The following EPHB1 variants were observed in gnomAD, a reference collection of about 807,000 sequenced individuals.
EPHB1 encodes EPH receptor B1.
In EPHB1, 30 loss-of-function variants were observed where a neutral mutation model predicts 94.4. The ratio of observed to expected loss-of-function variants is 0.32; its 90% CI spans 0.24 to 0.43. EPHB1 has a LOEUF of 0.43. Ranked by LOEUF, EPHB1 falls within the 20% of genes least tolerant of loss-of-function variation. The pLI is 1.00. For synonymous variants in EPHB1, 522 were observed against 489.1 expected, an observed-to-expected ratio of 1.07 and a Z score of -0.89; for missense variants, 1,055 against 1,308.3, an observed-to-expected ratio of 0.81 and a Z score of 2.99.
chr3:135,015,769 G>A (rs1342475035), intron 3 of EPHB1, among the ~76,000 whole-genome samples: 1 of 152,310 alleles, frequency 6.6e-6, no homozygotes, highest in East Asian at 1.9e-4. Flanking sequence ...GTCTGTGGCT[G>A]GGACTGCTTT....
intron 3 of EPHB1, among the ~76,000 whole-genome samples, chr3:135,066,352 T>G (rs1937580152): frequency 6.6e-6 from 1 of 152,250 alleles, no homozygotes; most frequent in South Asian, 2.1e-4. Context: ...CAGGTTTTGT[T>G]GTTTAACAAA....
intron 1 of EPHB1, among the ~76,000 whole-genome samples, chr3:134,887,290 G>A (rs2037880978): frequency 6.6e-6 from 1 of 152,202 alleles, no homozygotes. Context: ...ATAGCATGAT[G>A]AGCTCAGGGT....
chr3:134,952,172 C>T lies in EPHB1; in HGVS notation c.805+120C>T, dbSNP rs947220655. On this transcript the variant is annotated intron_variant, in intron 3 of 15. Transcript: ENST00000398015. The stretch of plus-strand genomic sequence containing the variant: ...AATAGTCTAATGGCTTATTATAAAG[C>T]TCTGAGGACTCCCATTCCTAGTGCT... 17 of 1,042,384 alleles carry T rather than the reference C, an allele frequency of 1.6e-5. No individual in the cohort carries two copies. The African/African-American group carries it at 2.4e-4, about 15-fold the overall frequency. 64.6% of individuals were successfully genotyped at this position (1,042,384 alleles called of 1,614,324 possible).
intron 3 of EPHB1, among the ~76,000 whole-genome samples, chr3:135,090,407 A>G (rs1367960836): frequency 2.6e-5 from 4 of 152,246 alleles, no homozygotes; most frequent in African/African-American, 9.6e-5. Context: ...TCATGCATAT[A>G]TTCTGCCTTG....
chr3:135,196,558 A>C (rs141005372), intron 11 of EPHB1, among the ~76,000 whole-genome samples: 131 of 152,346 alleles, frequency 8.6e-4, no homozygotes, highest in African/African-American at 3.0e-3. Flanking sequence ...ACCCTGGAGC[A>C]TAGCAACATT....
intron 2 of EPHB1, among the ~76,000 whole-genome samples, chr3:134,935,923 G>C (rs2038992675): frequency 6.6e-6 from 1 of 152,110 alleles, no homozygotes; most frequent in African/African-American, 2.4e-5. Context: ...CTTCTCACTG[G>C]GACCCTGCAA....
At chr3:135,059,915 T>C (rs941057486) in intron 3 of EPHB1, among the ~76,000 whole-genome samples, 2 of 152,178 alleles carry the variant, frequency 1.3e-5, no homozygotes, top group African/African-American at 2.4e-5. Context: ...GATGCTCAGA[T>C]ACAGTGCCTG....
At chr3:134,942,181 TC>T (rs1256655429) in intron 2 of EPHB1, among the ~76,000 whole-genome samples, 1 of 152,238 alleles carries the variant, frequency 6.6e-6, no homozygotes, top group African/African-American at 2.4e-5. Flanking sequence ...GGGGCTCTGC[TC>T]ATTGCCTCAG....
rs375655861 is a variant in EPHB1, at chr3:134,879,698, C to T, written c.59-46118C>T. Among the ~76,000 whole-genome samples the T allele has an allele frequency of 2.0e-5, 3 of 151,964 alleles. No individual in the cohort carries two copies. The South Asian group carries it at 6.3e-4, about 32-fold the overall frequency. Reference sequence around the variant, plus strand: ...TGGAAATTCAATGGAGGAAATTGGTCCTGGCATTAGAGCAAGGGAATCTAG... The same window carrying T: ...TGGAAATTCAATGGAGGAAATTGGTTCTGGCATTAGAGCAAGGGAATCTAG... On this transcript the variant is annotated intron_variant, in intron 1 of 15. Coordinates refer to ENST00000398015, the MANE Select transcript of EPHB1 (RefSeq NM_004441.5).
chr3:135,068,601 T>C (rs1937616689), intron 3 of EPHB1, among the ~76,000 whole-genome samples: 1 of 152,158 alleles, frequency 6.6e-6, no homozygotes, highest in Admixed American at 6.5e-5. Flanking sequence ...TTATGAGTTG[T>C]ATTTTCACGT....
chr3:134,975,486 A>AT (rs1934150900), intron 3 of EPHB1, among the ~76,000 whole-genome samples: 1 of 152,220 alleles, frequency 6.6e-6, no homozygotes, highest in South Asian at 2.1e-4. Flanking sequence ...ACAGCTCCTG[A>AT]CACTCTGCTA....
At chr3:135,043,674 C>G (rs754675101) in intron 3 of EPHB1, among the ~76,000 whole-genome samples, 1 of 152,318 alleles carries the variant, frequency 6.6e-6, no homozygotes, top group South Asian at 2.1e-4. Context: ...ACATAAGGTC[C>G]GGCTCCATCC....
chr3:135,253,693 C>T lies in EPHB1; in HGVS notation c.2846+4202C>T, dbSNP rs1210372168. On this transcript the variant is annotated intron_variant, in intron 15 of 15. Transcript: ENST00000398015. ...TTGGCTTAGGATTGACTTGGCGATG[C>T]GGGCTCTTTTTTGGTTCCATATGAA... 1.7e-4 allele frequency among the ~76,000 whole-genome samples: 25 copies of T among 144,122 alleles called. 1 individual carries two copies. Among genetic ancestry groups the T allele is most frequent in the African/African-American group, 2.6e-4 (10 of 38,768 alleles). The allele number at this position is 144,122 out of a possible 152,430, so 94.5% of individuals were successfully genotyped here.
Position 135,248,457 on chromosome 3 carries a change from A to G in EPHB1, c.2638A>G (p.Lys880Glu). 6.2e-7 allele frequency: 1 copy of G among 1,613,550 alleles called. No individual in the cohort carries two copies. The highest frequency in any genetic ancestry group is 8.5e-7 in the Non-Finnish European group (1 of 1,179,574). The change falls in exon 14 of 16, where the codon AAG (lysine) becomes GAG (glutamate). Residue 880 changes from lysine to glutamate, a missense_variant. Coordinates refer to ENST00000398015, the MANE Select transcript of EPHB1 (RefSeq NM_004441.5). ...TGCGGAGATTGTCAACACCCTAGATAAGATGATCCGGAACCCGGCAAGTCT... is the reference window on the plus strand; with the variant it reads ...TGCGGAGATTGTCAACACCCTAGATGAGATGATCCGGAACCCGGCAAGTCT... Reference protein sequence around the residue: ...RFAEIVNTLDKMIRNPASLKT... With the variant: ...RFAEIVNTLDEMIRNPASLKT...
At chr3:135,183,690 G>A (rs1942252720) in intron 10 of EPHB1, among the ~76,000 whole-genome samples, 1 of 152,164 alleles carries the variant, frequency 6.6e-6, no homozygotes, top group Non-Finnish European at 1.5e-5. Flanking sequence ...AGGGAAGAGG[G>A]AACAAAGTGG....
chr3:134,815,321 T>A lies in EPHB1; in HGVS notation c.58+19632T>A, dbSNP rs2036249447. 2.0e-5 allele frequency among the ~76,000 whole-genome samples: 3 copies of A among 152,180 alleles called. No homozygotes were observed. The South Asian group carries it at 6.2e-4, about 32-fold the overall frequency. On this transcript the variant is annotated intron_variant, in intron 1 of 15. Coordinates refer to ENST00000398015, the MANE Select transcript of EPHB1 (RefSeq NM_004441.5). ...GGAATTAAGGAGTAAATGGCCATGA[T>A]GTATGCTACCTGCTCTCAGGTGGCT...
At chr3:135,016,871 C>T (rs764277935) in intron 3 of EPHB1, among the ~76,000 whole-genome samples, 4 of 152,176 alleles carry the variant, frequency 2.6e-5, no homozygotes, top group Admixed American at 6.5e-5. Flanking sequence ...TCTCGGGACT[C>T]TGGCCAGGTA....
In EPHB1 at chr3:135,076,656, G is replaced by A. The variant is rs933281921; in HGVS notation, c.806-29792G>A. Among the ~76,000 whole-genome samples, 4 of 152,132 alleles carry A rather than the reference G, an allele frequency of 2.6e-5. No homozygotes were observed. In the East Asian group the frequency reaches 5.8e-4, roughly 22 times the overall value. Reference sequence around the variant, plus strand: ...GACTTGCATGCAGATATTCACAGCAGCATTATTCATAATAGCCAAAAGGTG... The same window carrying A: ...GACTTGCATGCAGATATTCACAGCAACATTATTCATAATAGCCAAAAGGTG... On this transcript the variant is annotated intron_variant, in intron 3 of 15. Coordinates refer to ENST00000398015, the MANE Select transcript of EPHB1 (RefSeq NM_004441.5).
intron 3 of EPHB1, among the ~76,000 whole-genome samples, chr3:135,068,957 A>G (rs1937624979): frequency 6.6e-6 from 1 of 150,878 alleles, no homozygotes; most frequent in Non-Finnish European, 1.5e-5. Flanking sequence ...ACCAAAGCAC[A>G]AGCAACACAA....
Sources: allele counts gnomAD v4.1 joint callset (sites outside exome capture counted in the v4.1 genomes callset), GRCh38; gene constraint gnomAD v4.1.1; transcripts MANE v1.5; gene names NCBI Gene and HGNC (gene_info 2026-07-23, HGNC 2026-07-21).